ENPP2: variants seen among roughly 807,000 people sequenced by gnomAD.
ENPP2 encodes autotaxin.
A neutral mutation model predicts 120.2 loss-of-function variants in ENPP2; 51 were observed. That is an observed-to-expected ratio of 0.42 (90% CI 0.34 to 0.54). The LOEUF (loss-of-function observed/expected upper bound fraction) is 0.54, where lower values mean the gene tolerates loss of function less well. ENPP2 is among the 20% of genes least tolerant of loss of function. The probability of loss-of-function intolerance (pLI) is 0.04; values close to 1 mark genes in which losing one functional copy is unlikely to be tolerated. For missense variants in ENPP2, 920 were observed against 1,066.5 expected (o/e 0.86, Z 1.91); for synonymous variants, 365 against 366.4 (o/e 1.00, Z 0.04).
At chr8:119,618,121 TTC>T (rs1222525617) in intron 5 of ENPP2, 1 of 345,040 alleles carries the variant, frequency 2.9e-6, no homozygotes, top group Non-Finnish European at 5.7e-6. Context: ...CATGAAACAT[TTC>T]TGTTTTGTAA....
At chr8:119,664,347 C>T (rs557297871) in intron 1 of ENPP2, among the ~76,000 whole-genome samples, 2 of 152,294 alleles carry the variant, frequency 1.3e-5, no homozygotes, top group East Asian at 3.9e-4. Flanking sequence ...TTGAACAATT[C>T]ACTTAGCCTC....
chr8:119,646,998 C>CT (rs528326819), intron 1 of ENPP2, among the ~76,000 whole-genome samples: 3,430 of 140,090 alleles, frequency 0.024, 102 homozygotes, highest in African/African-American at 0.066. Flanking sequence ...TAATCTCTCT[C>CT]TTTTTTTTTT....
At chr8:119,589,658 A>G (rs1214005657) in intron 13 of ENPP2, among the ~76,000 whole-genome samples, 1 of 152,128 alleles carries the variant, frequency 6.6e-6, no homozygotes, top group Admixed American at 6.5e-5. Context: ...CATGGTCTGG[A>G]GCTGACCCTG....
At chr8:119,574,725 G>A (rs528613038) in intron 19 of ENPP2, among the ~76,000 whole-genome samples, 1 of 151,754 alleles carries the variant, frequency 6.6e-6, no homozygotes, top group Non-Finnish European at 1.5e-5. Context: ...CCTCTTTTTT[G>A]TTTTTTTAAA....
At chr8:119,618,779 C>T (rs1815664339) in intron 5 of ENPP2, among the ~76,000 whole-genome samples, 1 of 151,806 alleles carries the variant, frequency 6.6e-6, no homozygotes, top group South Asian at 2.1e-4. Context: ...AAATGATATG[C>T]CCGCCTCAGC....
chr8:119,592,615 T>TG (rs11453075), intron 12 of ENPP2, among the ~76,000 whole-genome samples: 85,541 of 151,072 alleles, frequency 0.57, 25,629 homozygotes, highest in African/African-American at 0.77. Flanking sequence ...CCTCAGCACA[T>TG]ATCATTGGGA....
chr8:119,572,006 A>G lies in ENPP2; in HGVS notation c.1781-1165T>C, dbSNP rs576175933. ...GCTCCAGCATTGCAGTAAATGTAGA[A>G]GCCTTAGTTAAGCTGCCAAATTTGG... On this transcript the variant is annotated intron_variant, in intron 19 of 24. Transcript: ENST00000075322. 30 of 559,250 alleles carry G rather than the reference A, an allele frequency of 5.4e-5. No homozygotes were observed. In the African/African-American group the frequency reaches 5.5e-4, roughly 10 times the overall value. The allele number at this position is 559,250 out of a possible 1,614,324, so 34.6% of individuals were successfully genotyped here.
intron 1 of ENPP2, among the ~76,000 whole-genome samples, chr8:119,670,266 C>T (rs1355369878): frequency 6.6e-6 from 1 of 152,200 alleles, no homozygotes. Flanking sequence ...GCATTATTCT[C>T]AAATATCCAG....
intron 9 of ENPP2, among the ~76,000 whole-genome samples, chr8:119,602,893 G>A (rs564622296): frequency 6.6e-6 from 1 of 152,296 alleles, no homozygotes; most frequent in African/African-American, 2.4e-5. Flanking sequence ...AGAGCTGGGA[G>A]AAGGATAAAT....
chr8:119,646,879 C>G (rs1410530708), intron 1 of ENPP2, among the ~76,000 whole-genome samples: 1 of 152,118 alleles, frequency 6.6e-6, no homozygotes, highest in African/African-American at 2.4e-5. Flanking sequence ...CTGGCAAATA[C>G]CAACATATTT....
At chr8:119,598,464 G>T (rs1369328533) in intron 11 of ENPP2, among the ~76,000 whole-genome samples, 3 of 152,160 alleles carry the variant, frequency 2.0e-5, no homozygotes, top group Non-Finnish European at 4.4e-5. Context: ...CCTGGGCATA[G>T]AAAAATTATT....
intron 8 of ENPP2, among the ~76,000 whole-genome samples, chr8:119,612,083 A>C (rs1334568556): frequency 6.6e-6 from 1 of 152,182 alleles, no homozygotes; most frequent in East Asian, 1.9e-4. Flanking sequence ...AAAATATAAA[A>C]GCCCAAAGGA....
At chr8:119,610,950 A>G (rs565609497) in intron 8 of ENPP2, among the ~76,000 whole-genome samples, 1 of 151,818 alleles carries the variant, frequency 6.6e-6, no homozygotes, top group African/African-American at 2.4e-5. Context: ...TTAAGAAAAC[A>G]CTGGGTTTGG....
intron 1 of ENPP2, among the ~76,000 whole-genome samples, chr8:119,668,216 C>A (rs992322932): frequency 1.3e-5 from 2 of 152,116 alleles, no homozygotes; most frequent in East Asian, 3.9e-4. Flanking sequence ...ATCAGGTCTT[C>A]TTCAGCACTG....
intron 9 of ENPP2, among the ~76,000 whole-genome samples, chr8:119,604,361 G>T (rs1814543713): frequency 6.6e-6 from 1 of 152,104 alleles, no homozygotes; most frequent in Non-Finnish European, 1.5e-5. Context: ...GGGCAAGGTT[G>T]TCTCTGTTTC....
At position 119,615,464 on chromosome 8, in the gene ENPP2, C is replaced by T. The variant is rs539359998; in HGVS notation, c.777+801G>A. Among the ~76,000 whole-genome samples the T allele has an allele frequency of 2.4e-4, 37 of 152,276 alleles. No individual in the cohort carries two copies. In the East Asian group the frequency reaches 5.6e-3, roughly 23 times the overall value. The stretch of plus-strand genomic sequence containing the variant: ...GCTCATGTCTGACCAAAGCAAGTTG[C>T]GTAACCATACACACGGTCACAGGAA... On this transcript the variant is annotated intron_variant, in intron 8 of 24. Transcript: ENST00000075322.
intron 1 of ENPP2, among the ~76,000 whole-genome samples, chr8:119,655,972 A>G (rs1253902151): frequency 6.6e-6 from 1 of 152,244 alleles, no homozygotes; most frequent in Non-Finnish European, 1.5e-5. Context: ...GTTCAGAAGC[A>G]GAACTGATTC....
At chr8:119,611,324 A>T (rs1274613268) in intron 8 of ENPP2, among the ~76,000 whole-genome samples, 2 of 152,376 alleles carry the variant, frequency 1.3e-5, no homozygotes, top group East Asian at 3.9e-4. Flanking sequence ...TTGAGCTAGG[A>T]TAAACAGAAT....
At chr8:119,558,445 CA>C (rs1813648490) in intron 24 of ENPP2, among the ~76,000 whole-genome samples, 1 of 152,002 alleles carries the variant, frequency 6.6e-6, no homozygotes, top group South Asian at 2.1e-4. Context: ...AAAGGTAAAG[CA>C]AGGAAACACG....
Sources: allele counts gnomAD v4.1 joint callset (sites outside exome capture counted in the v4.1 genomes callset), GRCh38; gene constraint gnomAD v4.1.1; transcripts MANE v1.5; gene names NCBI Gene and HGNC (gene_info 2026-07-23, HGNC 2026-07-21).